Variants in EYS observed in about 807,000 individuals in gnomAD.
EYS encodes protein eyes shut homolog.
EYS carries 250 observed loss-of-function variants against 282.1 expected under a neutral mutation model. The ratio of observed to expected loss-of-function variants is 0.89; its 90% confidence interval spans 0.80 to 0.98. EYS has a LOEUF of 0.98. Ranked by LOEUF, EYS falls within the 50% of genes least tolerant of loss-of-function variation. The probability of loss-of-function intolerance (pLI) is 0.00; values close to 1 mark genes in which losing one functional copy is unlikely to be tolerated. For missense variants in EYS, 4,016 were observed against 3,709.0 expected (o/e 1.08, Z -2.15); for synonymous variants, 1,355 against 1,282.9 (o/e 1.06, Z -1.20).
chr6:65,461,120 G>T (rs1764813286), intron 5 of EYS, among the ~76,000 whole-genome samples: 1 of 152,032 alleles, frequency 6.6e-6, no homozygotes, highest in Non-Finnish European at 1.5e-5. Context: ...ATATATAGTT[G>T]TACTTTCTTC....
chr6:64,165,987 C>A (rs76292507), intron 31 of EYS, among the ~76,000 whole-genome samples: 1,679 of 152,258 alleles, frequency 0.011, 29 homozygotes, highest in African/African-American at 0.038. Context: ...ACAGGTTCAG[C>A]CAAATTGGGT....
chr6:63,738,433 T>C lies in EYS; in HGVS notation c.8072-11753A>G, dbSNP rs570022927. 1.8e-4 allele frequency among the ~76,000 whole-genome samples: 28 copies of C among 152,018 alleles called. 1 individual carries two copies. In the South Asian group the frequency reaches 5.8e-3, roughly 32 times the overall value. ...TGAAAAATGATGAGTTCATGTCCTT[T>C]GTAGGGACATGGATGAAATTGGAAA... On this transcript the variant is annotated intron_variant, in intron 41 of 42. Coordinates refer to ENST00000503581, the MANE Select transcript of EYS (RefSeq NM_001142800.2).
At chr6:64,123,717 C>T (rs1314350424) in intron 31 of EYS, among the ~76,000 whole-genome samples, 2 of 152,166 alleles carry the variant, frequency 1.3e-5, no homozygotes, top group Non-Finnish European at 2.9e-5. Context: ...GAGATGGCAG[C>T]CAGAAATGTC....
Position 63,721,709 on chromosome 6 carries a change from T to C in EYS, c.8322A>G (p.Gln2774=), listed in dbSNP as rs1561994338. The change falls in exon 43 of 43, where the codon CAA becomes CAG. Residue 2774 remains glutamine, a synonymous_variant. Coordinates refer to ENST00000503581, the MANE Select transcript of EYS (RefSeq NM_001142800.2). ...GDRTIILETL[Q]KVTINGSTWH... is the part of the protein sequence containing the mutation. ...AAGTACTTCCGTTTATAGTTACTTT[T>C]TGGAGAGTTTCTAGAATGATAGTTC... 1 of 1,551,422 alleles carries C rather than the reference T, an allele frequency of 6.4e-7. No individual in the cohort carries two copies.
chr6:65,408,777 A>G (rs965862549), intron 5 of EYS, among the ~76,000 whole-genome samples: 4 of 151,954 alleles, frequency 2.6e-5, no homozygotes, highest in African/African-American at 7.3e-5. Flanking sequence ...GTTTTTTTCC[A>G]TTTATTTAAG....
intron 12 of EYS, among the ~76,000 whole-genome samples, chr6:65,121,943 C>A (rs923332212): frequency 2.7e-5 from 4 of 150,888 alleles, no homozygotes; most frequent in African/African-American, 9.8e-5. Context: ...TGTTTGCAAC[C>A]TGAAAAAAAA....
intron 14 of EYS, among the ~76,000 whole-genome samples, chr6:64,966,392 GTTTAA>G (rs1243717505): frequency 2.0e-5 from 3 of 152,098 alleles, no homozygotes; most frequent in Non-Finnish European, 4.4e-5. Context: ...AGTCCTGATG[GTTTAA>G]TTTAAGGATT....
At chr6:64,893,340 A>G (rs1446868268) in intron 18 of EYS, among the ~76,000 whole-genome samples, 1 of 151,994 alleles carries the variant, frequency 6.6e-6, no homozygotes, top group Admixed American at 6.6e-5. Context: ...ACCATAAGAG[A>G]GAATAGAATA....
intron 24 of EYS, among the ~76,000 whole-genome samples, chr6:64,615,166 A>G (rs1294116841): frequency 6.6e-6 from 1 of 152,074 alleles, no homozygotes; most frequent in Non-Finnish European, 1.5e-5. Flanking sequence ...CATTTTTAGT[A>G]CTAATGCAAA....
intron 26 of EYS, among the ~76,000 whole-genome samples, chr6:64,580,014 A>T (rs928583374): frequency 6.6e-6 from 1 of 152,108 alleles, no homozygotes; most frequent in Non-Finnish European, 1.5e-5. Flanking sequence ...CAGGCACATT[A>T]TATTTATTTA....
intron 24 of EYS, among the ~76,000 whole-genome samples, chr6:64,596,245 T>G (rs1420507903): frequency 8.2e-6 from 1 of 122,126 alleles, no homozygotes; most frequent in Non-Finnish European, 1.8e-5. Flanking sequence ...AACATGAGAT[T>G]TGGGCAGGGT....
intron 29 of EYS, among the ~76,000 whole-genome samples, chr6:64,368,262 A>G (rs1772244062): frequency 6.6e-6 from 1 of 152,112 alleles, no homozygotes; most frequent in South Asian, 2.1e-4. Context: ...GTTGCTTCAA[A>G]GGACATGATA....
At chr6:64,556,917 A>T (rs74435834) in intron 26 of EYS, among the ~76,000 whole-genome samples, 1,614 of 152,066 alleles carry the variant, frequency 0.011, 26 homozygotes, top group African/African-American at 0.037. Context: ...TTTCAATATG[A>T]CTGTTAACAA....
intron 1 of EYS, among the ~76,000 whole-genome samples, chr6:65,674,400 G>A (rs574766821): frequency 1.2e-4 from 15 of 126,382 alleles, no homozygotes; most frequent in Middle Eastern, 6.8e-3. Flanking sequence ...GCAGTGAGGC[G>A]AGATCACACC....
intron 26 of EYS, among the ~76,000 whole-genome samples, chr6:64,518,786 C>T (rs1777641585): frequency 6.6e-6 from 1 of 150,520 alleles, no homozygotes; most frequent in Non-Finnish European, 1.5e-5. Flanking sequence ...AGGGGCCCCC[C>T]CCTTCTCAGG....
At chr6:64,674,285 A>G (rs1229775429) in intron 22 of EYS, among the ~76,000 whole-genome samples, 3 of 152,088 alleles carry the variant, frequency 2.0e-5, no homozygotes, top group African/African-American at 7.2e-5. Flanking sequence ...GAATTGTTCA[A>G]TAGGTGCTCT....
intron 26 of EYS, among the ~76,000 whole-genome samples, chr6:64,476,881 T>C (rs1366957885): frequency 6.6e-6 from 1 of 152,174 alleles, no homozygotes; most frequent in Non-Finnish European, 1.5e-5. Flanking sequence ...TCTCATCGAC[T>C]TGATGTTGTT....
chr6:64,972,732 A>T (rs1246799269), intron 14 of EYS, among the ~76,000 whole-genome samples: 2 of 152,138 alleles, frequency 1.3e-5, no homozygotes, highest in Non-Finnish European at 2.9e-5. Context: ...ACAGTTGGCT[A>T]TTAGTAATTG....
chr6:65,340,017 T>C (rs1340597828), intron 10 of EYS, among the ~76,000 whole-genome samples: 3 of 150,862 alleles, frequency 2.0e-5, no homozygotes, highest in South Asian at 2.1e-4. Context: ...AAGAGGAAGG[T>C]TGTTTTGGCT....
Sources: allele counts gnomAD v4.1 joint callset (sites outside exome capture counted in the v4.1 genomes callset), GRCh38; gene constraint gnomAD v4.1.1; transcripts MANE v1.5; gene names NCBI Gene and HGNC (gene_info 2026-07-23, HGNC 2026-07-21).